HYDIN: variants seen among roughly 807,000 people sequenced by gnomAD.
HYDIN encodes HYDIN axonemal central pair apparatus protein, also known as axonemal central pair apparatus protein HYDIN.
HYDIN carries 132 observed loss-of-function variants against 403.9 expected under a neutral mutation model. That is an observed-to-expected ratio of 0.33 (90% CI 0.28 to 0.38). The LOEUF is 0.38. HYDIN is among the 10% of genes least tolerant of loss of function. HYDIN has a pLI of 1.00. For missense variants in HYDIN, 2,827 were observed against 5,009.5 expected (o/e 0.56, Z 13.15); for synonymous variants, 1,202 against 1,891.7 (o/e 0.64, Z 9.46).
chr16:70,977,133 C>A (rs1259421773), intron 30 of HYDIN, among the ~76,000 whole-genome samples: 1 of 151,174 alleles, frequency 6.6e-6, no homozygotes, highest in Non-Finnish European at 1.5e-5. Context: ...AGCCTGGGAA[C>A]CCAATAAGCA....
Position 70,990,684 on chromosome 16 carries a change from C to G in HYDIN, c.3864+634G>C, listed in dbSNP as rs181520379. 1.9e-4 allele frequency among the ~76,000 whole-genome samples: 29 copies of G among 152,238 alleles called. 1 individual carries two copies. The highest frequency in any genetic ancestry group is 1.8e-3 in the Admixed American group (28 of 15,288). ...ATTAAGTTGTTTCCAATATTTCTTGCTTTTACAAACAAAGCTGCAGTGTAC... is the reference window on the plus strand; with the variant it reads ...ATTAAGTTGTTTCCAATATTTCTTGGTTTTACAAACAAAGCTGCAGTGTAC... On this transcript the variant is annotated intron_variant, in intron 25 of 85. Coordinates refer to ENST00000393567, the MANE Select transcript of HYDIN (RefSeq NM_001270974.2).
At chr16:71,194,691 G>A (rs1436840087) in intron 1 of HYDIN, among the ~76,000 whole-genome samples, 1 of 152,196 alleles carries the variant, frequency 6.6e-6, no homozygotes, top group African/African-American at 2.4e-5. Context: ...TAGTTTCCAT[G>A]ATTCAAGAAT....
chr16:71,114,587 C>G (rs1301681983), intron 10 of HYDIN, among the ~76,000 whole-genome samples: 5 of 151,236 alleles, frequency 3.3e-5, no homozygotes, highest in Non-Finnish European at 7.4e-5. Flanking sequence ...TCCAGGACTT[C>G]TCAATGGACC....
At chr16:71,085,343 A>G (rs2082901635) in intron 12 of HYDIN, among the ~76,000 whole-genome samples, 1 of 120,158 alleles carries the variant, frequency 8.3e-6, no homozygotes, top group African/African-American at 3.2e-5. Flanking sequence ...TGTTCATATC[A>G]TCTACATTAT....
At chr16:70,831,472 G>A (rs576430690) in intron 80 of HYDIN, among the ~76,000 whole-genome samples, 58 of 133,512 alleles carry the variant, frequency 4.3e-4, no homozygotes, top group African/African-American at 1.5e-3. Context: ...TCATGCCACT[G>A]CACTCCAGCC....
At chr16:71,191,623 T>C (rs114496248) in intron 1 of HYDIN, among the ~76,000 whole-genome samples, 1,938 of 152,244 alleles carry the variant, frequency 0.013, 44 homozygotes, top group African/African-American at 0.041. Context: ...GCAAATTCAG[T>C]GTCTGCAGCC....
chr16:70,842,279 T>C (rs2037879485), intron 75 of HYDIN, among the ~76,000 whole-genome samples: 1 of 152,196 alleles, frequency 6.6e-6, no homozygotes, highest in Non-Finnish European at 1.5e-5. Flanking sequence ...TGTTTAAAAC[T>C]AGGTACTGTA....
intron 73 of HYDIN, among the ~76,000 whole-genome samples, chr16:70,853,322 T>C (rs1036357388): frequency 2.6e-5 from 4 of 152,158 alleles, no homozygotes; most frequent in African/African-American, 4.8e-5. Context: ...CTTTTTTTTT[T>C]CTGGAAACAT....
chr16:71,174,743 A>G (rs2086599227), intron 5 of HYDIN, among the ~76,000 whole-genome samples: 1 of 152,128 alleles, frequency 6.6e-6, no homozygotes. Context: ...CCTCCCCACC[A>G]CTGCAGTGGT....
chr16:70,841,686 C>T (rs2037834579), intron 75 of HYDIN, among the ~76,000 whole-genome samples: 1 of 152,124 alleles, frequency 6.6e-6, no homozygotes, highest in Non-Finnish European at 1.5e-5. Flanking sequence ...TAAGTTCACT[C>T]CTTCTTGCTC....
At chr16:71,137,439 C>CA (rs1462673793) in intron 7 of HYDIN, 87 bp from the exon 8 acceptor site, 13 of 473,358 alleles carry the variant, frequency 2.7e-5, no homozygotes, top group Admixed American at 1.7e-4. Context: ...TGAAGTTAGG[C>CA]AAAATAGCAT....
intron 10 of HYDIN, among the ~76,000 whole-genome samples, chr16:71,101,818 G>T (rs1597782952): frequency 1.3e-5 from 2 of 152,238 alleles, no homozygotes; most frequent in South Asian, 2.1e-4. Context: ...CATCCTGTAT[G>T]TCCTGGAGTT....
chr16:70,995,555 T>C (rs1226771083), intron 23 of HYDIN, among the ~76,000 whole-genome samples: 1 of 152,164 alleles, frequency 6.6e-6, no homozygotes, highest in Non-Finnish European at 1.5e-5. Flanking sequence ...AAATCCACCA[T>C]ACTTCTTTCC....
Position 71,027,646 on chromosome 16 carries a change from G to T in HYDIN, c.2998C>A (p.Gln1000Lys), listed in dbSNP as rs2080758300. Residue 1000 changes from glutamine (Q) to lysine (K), a missense_variant, in exon 20 of 86, where the codon CAG becomes AAG. By Grantham distance (53) the Gln-to-Lys change is moderately conservative. Coordinates refer to ENST00000393567, the MANE Select transcript of HYDIN (RefSeq NM_001270974.2). Reference protein sequence around the residue: ...HPASMELYPGQAIDVILEGYS... With the variant: ...HPASMELYPGKAIDVILEGYS... ...CCTTCGAGTATCACATCAATTGCCT[G>T]GCCTGGGTACAGCTCCATGCTGGCG... is the stretch of plus-strand genomic sequence containing the variant. 1 of 1,613,024 alleles carries T rather than the reference G, an allele frequency of 6.2e-7. No individual in the cohort carries two copies.
chr16:70,838,607 G>A (rs1276329884), intron 76 of HYDIN, among the ~76,000 whole-genome samples: 1 of 152,104 alleles, frequency 6.6e-6, no homozygotes, highest in Non-Finnish European at 1.5e-5. Flanking sequence ...AGGAGTATAT[G>A]TTCTAGAGTC....
Position 70,978,914 on chromosome 16 carries a change from C to T in HYDIN, c.4638G>A (p.Glu1546=). 1 of 1,613,206 alleles carries T rather than the reference C, an allele frequency of 6.2e-7. No homozygotes were observed. ...TEEVPEDEPA[E]VSAHLQMEVE... is the part of the protein sequence containing the mutation. ...CCCGTGCAGGCTGGAGCTGTCTTAC[C>T]TCAGCAGGCTCGTCTTCTGGCACTT... is the stretch of plus-strand genomic sequence containing the variant. The change falls in exon 30 of 86, where the codon GAG becomes GAA. Residue 1546 remains glutamate, a splice_region_variant and synonymous_variant. Coordinates refer to ENST00000393567, the MANE Select transcript of HYDIN (RefSeq NM_001270974.2).
At chr16:70,899,013 T>G (rs1310483859) in intron 53 of HYDIN, among the ~76,000 whole-genome samples, 2 of 151,986 alleles carry the variant, frequency 1.3e-5, no homozygotes, top group African/African-American at 2.4e-5. Flanking sequence ...TCAAGTGATC[T>G]ACCCACCTAG....
rs376383413 is a variant in HYDIN at position 71,103,199 on chromosome 16, G to A, written c.1328-9264C>T. Among the ~76,000 whole-genome samples, 2 of 37,834 alleles carry A rather than the reference G, an allele frequency of 5.3e-5. 1 individual carries two copies. The highest frequency in any genetic ancestry group is 1.3e-3 in the South Asian group (2 of 1,566). The allele number at this position is 37,834 out of a possible 152,430, so 24.8% of individuals were successfully genotyped here. A position where few individuals can be genotyped will look rare whatever the true frequency, so the allele number is the denominator to read the frequency against. On this transcript the variant is annotated intron_variant, in intron 10 of 85. Coordinates refer to ENST00000393567, the MANE Select transcript of HYDIN (RefSeq NM_001270974.2). The stretch of plus-strand genomic sequence containing the variant: ...GTGGTACAGGACAGGGACCAGGACT[G>A]TCACAACCTAGAATTCAAATCTTGG...
chr16:70,854,207 T>G (rs113449230), intron 73 of HYDIN, among the ~76,000 whole-genome samples: 1 of 152,118 alleles, frequency 6.6e-6, no homozygotes, highest in East Asian at 1.9e-4. Flanking sequence ...TACAACTACA[T>G]GTGAATTTAC....
Sources: gnomAD v4.1 joint callset for allele counts (sites outside exome capture counted in the v4.1 genomes callset) on GRCh38, gnomAD v4.1.1 for gene constraint, MANE v1.5 for transcripts, NCBI Gene and HGNC (gene_info 2026-07-23, HGNC 2026-07-21) for gene names.